The following NAALADL2 variants were observed in gnomAD, a reference collection of about 807,000 sequenced individuals.
NAALADL2 encodes the protein N-acetylated alpha-linked acidic dipeptidase like 2.
In NAALADL2, 76 loss-of-function variants were observed where a neutral mutation model predicts 87.2. That is an observed-to-expected ratio of 0.87 (90% CI 0.72 to 1.05). The LOEUF (loss-of-function observed/expected upper bound fraction) is 1.05. Ranked by LOEUF, NAALADL2 falls within the 50% of genes least tolerant of loss-of-function variation. The pLI is 0.00. For synonymous variants in NAALADL2, 354 were observed against 331.0 expected (o/e 1.07, Z -0.75); for missense variants, 1,089 against 945.8 (o/e 1.15, Z -1.99).
chr3:175,173,626 C>A (rs911101630), intron 2 of NAALADL2, among the ~76,000 whole-genome samples: 2 of 152,224 alleles, frequency 1.3e-5, no homozygotes, highest in African/African-American at 4.8e-5. Flanking sequence ...ACTTACTGGG[C>A]CATCTACTGG....
chr3:174,878,646 T>A (rs1728811849), intron 1 of NAALADL2, among the ~76,000 whole-genome samples: 1 of 152,066 alleles, frequency 6.6e-6, no homozygotes, highest in African/African-American at 2.4e-5. Context: ...TTGTTGGCAG[T>A]AAGCTCAATA....
intron 2 of NAALADL2, among the ~76,000 whole-genome samples, chr3:174,560,120 A>T (rs1426588695): frequency 6.6e-6 from 1 of 152,096 alleles, no homozygotes; most frequent in African/African-American, 2.4e-5. Context: ...GGTTCTTTTT[A>T]ATTACTTTTG....
chr3:174,537,668 G>T (rs910211125), intron 1 of NAALADL2, among the ~76,000 whole-genome samples: 1 of 152,178 alleles, frequency 6.6e-6, no homozygotes, highest in African/African-American at 2.4e-5. Context: ...GCCAGGCTAG[G>T]TATGGCTACT....
intron 4 of NAALADL2, among the ~76,000 whole-genome samples, chr3:175,295,567 A>T (rs1200535949): frequency 1.3e-5 from 2 of 151,736 alleles, no homozygotes; most frequent in African/African-American, 4.8e-5. Context: ...TTCCTTTCCA[A>T]CTGTGCTTCT....
chr3:175,621,522 C>T (rs1476294327), intron 10 of NAALADL2, among the ~76,000 whole-genome samples: 3 of 152,124 alleles, frequency 2.0e-5, no homozygotes, highest in African/African-American at 4.8e-5. Context: ...ATACAGTTTC[C>T]GGTAAAATTT....
chr3:174,843,780 C>A (rs555585218), intron 3 of NAALADL2, among the ~76,000 whole-genome samples: 56 of 151,948 alleles, frequency 3.7e-4, no homozygotes, highest in African/African-American at 1.4e-3. Flanking sequence ...TGATGAATAG[C>A]GATGTTGAGT....
chr3:175,615,789 G>A (rs1452293956), intron 10 of NAALADL2, among the ~76,000 whole-genome samples: 1 of 151,080 alleles, frequency 6.6e-6, no homozygotes, highest in East Asian at 1.9e-4. Flanking sequence ...CTCAGGATGC[G>A]GTGGGTGCAG....
chr3:175,369,710 C>T (rs892936126), intron 5 of NAALADL2: 11 of 152,210 alleles, frequency 7.2e-5, no homozygotes, highest in Admixed American at 7.2e-4. Flanking sequence ...AAATATTTTG[C>T]CTGAAAGATA....
At chr3:174,824,811 C>G (rs1027115330) in intron 3 of NAALADL2, among the ~76,000 whole-genome samples, 7 of 152,052 alleles carry the variant, frequency 4.6e-5, no homozygotes, top group Admixed American at 3.3e-4. Flanking sequence ...TTCCTACGAA[C>G]AGATAAATGG....
intron 4 of NAALADL2, among the ~76,000 whole-genome samples, chr3:175,262,227 T>C (rs1751157201): frequency 6.6e-6 from 1 of 152,184 alleles, no homozygotes; most frequent in East Asian, 1.9e-4. Flanking sequence ...CTGAGAAATA[T>C]TACATTTTGA....
chr3:175,394,452 A>G (rs1486686386), intron 5 of NAALADL2, among the ~76,000 whole-genome samples: 1 of 152,246 alleles, frequency 6.6e-6, no homozygotes, highest in African/African-American at 2.4e-5. Context: ...CTGTAACAAA[A>G]TATCACATAT....
At chr3:174,939,503 C>T (rs1026046742) in intron 1 of NAALADL2, among the ~76,000 whole-genome samples, 3 of 151,882 alleles carry the variant, frequency 2.0e-5, no homozygotes, top group Non-Finnish European at 4.4e-5. Context: ...ATTTTGGTTC[C>T]ATATGAATTT....
chr3:174,470,115 A>G (rs1294494311), intron 1 of NAALADL2, among the ~76,000 whole-genome samples: 1 of 152,142 alleles, frequency 6.6e-6, no homozygotes, highest in Non-Finnish European at 1.5e-5. Context: ...AGGAATTTCC[A>G]CCAACAGTGT....
chr3:175,159,613 C>G (rs915566655), intron 2 of NAALADL2, among the ~76,000 whole-genome samples: 16 of 152,000 alleles, frequency 1.1e-4, no homozygotes, highest in Admixed American at 3.3e-4. Context: ...TTTTCAAAAT[C>G]TTTTATAGGT....
intron 1 of NAALADL2, among the ~76,000 whole-genome samples, chr3:174,474,644 A>G (rs1228276267): frequency 6.6e-6 from 1 of 151,998 alleles, no homozygotes; most frequent in Non-Finnish European, 1.5e-5. Context: ...AACTTTTCTC[A>G]TTACTTGGAA....
intron 2 of NAALADL2, among the ~76,000 whole-genome samples, chr3:174,587,093 C>A (rs1430904094): frequency 1.3e-5 from 2 of 151,758 alleles, no homozygotes; most frequent in African/African-American, 4.8e-5. Flanking sequence ...GTTTGGTTTT[C>A]TGTCCTTGCC....
At chr3:175,718,227 T>TTTTTTGG in intron 11 of NAALADL2, 1 of 1,037,686 alleles carries the variant, frequency 9.6e-7, no homozygotes, top group Non-Finnish European at 1.4e-6. Flanking sequence ...TTTTTTTGAT[T>TTTTTTGG]AGTTGCTGTA....
intron 2 of NAALADL2, among the ~76,000 whole-genome samples, chr3:174,558,575 T>C (rs919025425): frequency 6.6e-6 from 1 of 151,982 alleles, no homozygotes; most frequent in African/African-American, 2.4e-5. Flanking sequence ...ACATGTGCAG[T>C]TCACAATAGG....
At chr3:175,736,382 G>A (rs193144103) in intron 11 of NAALADL2, among the ~76,000 whole-genome samples, 2 of 152,252 alleles carry the variant, frequency 1.3e-5, no homozygotes, top group South Asian at 2.1e-4. Context: ...AAGCAATTAG[G>A]AATAGAATAA....
Sources: allele counts gnomAD v4.1 joint callset (sites outside exome capture counted in the v4.1 genomes callset), GRCh38; gene constraint gnomAD v4.1.1; transcripts MANE v1.5; gene names NCBI Gene and HGNC (gene_info 2026-07-23, HGNC 2026-07-21).